Variants in PRMT3 observed in about 807,000 individuals in gnomAD.
PRMT3 encodes the protein protein arginine N-methyltransferase 3.
Under a neutral mutation model 71.9 loss-of-function variants are expected in PRMT3, and 62 were observed. The observed-to-expected ratio is 0.86, with a 90% CI of 0.70 to 1.07. The LOEUF (loss-of-function observed/expected upper bound fraction) is 1.07, where lower values mean the gene tolerates loss of function less well. Among genes scored for constraint, PRMT3 ranks in the 50% least tolerant of loss-of-function variants. The pLI is 0.00. For missense variants in PRMT3, 663 were observed against 643.0 expected, an observed-to-expected ratio of 1.03 and a Z score of -0.34; for synonymous variants, 213 against 220.4, an observed-to-expected ratio of 0.97 and a Z score of 0.30.
chr11:20,475,558 ACT>A (rs377337063), intron 13 of PRMT3, among the ~76,000 whole-genome samples: 105 of 106,262 alleles, frequency 9.9e-4, no homozygotes, highest in African/African-American at 3.0e-3. Context: ...GTGGCACATG[ACT>A]CTGTTTTTAC....
At chr11:20,395,640 A>G (rs551861546) in intron 5 of PRMT3, among the ~76,000 whole-genome samples, 163 bp from the exon 6 acceptor site, 1 of 152,190 alleles carries the variant, frequency 6.6e-6, no homozygotes, top group Non-Finnish European at 1.5e-5. Flanking sequence ...GGCAAGAGCC[A>G]CTGTGCAAAG....
At chr11:20,481,019 A>G (rs1056407883) in intron 13 of PRMT3, among the ~76,000 whole-genome samples, 24 of 152,176 alleles carry the variant, frequency 1.6e-4, no homozygotes, top group African/African-American at 5.8e-4. Flanking sequence ...GCCCAGATAC[A>G]TAAGAGTAGG....
At chr11:20,483,554 CAAAAAAA>C (rs10583759) in intron 13 of PRMT3, among the ~76,000 whole-genome samples, 1 of 135,790 alleles carries the variant, frequency 7.4e-6, no homozygotes, top group Non-Finnish European at 1.6e-5. Context: ...CAGAGATTGC[CAAAAAAA>C]AAAAAAAAAA....
chr11:20,486,906 G>C (rs1851087207), intron 13 of PRMT3, among the ~76,000 whole-genome samples: 1 of 151,690 alleles, frequency 6.6e-6, no homozygotes, highest in African/African-American at 2.4e-5. Flanking sequence ...AAATTACAAA[G>C]ATTAGCCGGG....
chr11:20,470,138 T>C (rs1021089959), intron 13 of PRMT3, among the ~76,000 whole-genome samples: 4 of 152,220 alleles, frequency 2.6e-5, no homozygotes, highest in Admixed American at 6.5e-5. Flanking sequence ...GTTACAAACC[T>C]GTACAGCATG....
chr11:20,507,343 C>A (rs572351596), intron 15 of PRMT3, among the ~76,000 whole-genome samples: 1 of 152,128 alleles, frequency 6.6e-6, no homozygotes, highest in Non-Finnish European at 1.5e-5. Flanking sequence ...TTTCTAGATG[C>A]CCAGAACCCA....
At chr11:20,407,857 A>G in intron 8 of PRMT3, 54 bp from the exon 9 acceptor site, 4 of 1,491,630 alleles carry the variant, frequency 2.7e-6, no homozygotes, top group Non-Finnish European at 3.7e-6. Context: ...AATTTAATAT[A>G]GAGACCTTTT....
chr11:20,453,466 C>T (rs182678735), intron 11 of PRMT3, among the ~76,000 whole-genome samples: 394 of 147,310 alleles, frequency 2.7e-3, no homozygotes, highest in African/African-American at 7.3e-3. Flanking sequence ...GGTGACAGAG[C>T]GAGACTCCAT....
intron 13 of PRMT3, among the ~76,000 whole-genome samples, chr11:20,476,237 C>A (rs538392779): frequency 2.0e-5 from 3 of 151,944 alleles, no homozygotes; most frequent in African/African-American, 7.2e-5. Flanking sequence ...CCTGTAATCC[C>A]AGCTACTCAG....
intron 10 of PRMT3, among the ~76,000 whole-genome samples, chr11:20,449,012 A>G (rs1041114671): frequency 5.3e-5 from 8 of 152,136 alleles, no homozygotes; most frequent in Non-Finnish European, 1.0e-4. Flanking sequence ...TATCAGTAAT[A>G]AATGACTTGG....
intron 9 of PRMT3, among the ~76,000 whole-genome samples, chr11:20,425,176 A>T (rs1849520055): frequency 6.6e-6 from 1 of 152,166 alleles, no homozygotes; most frequent in Non-Finnish European, 1.5e-5. Context: ...CGAACGAAAG[A>T]AGACATGGGA....
At chr11:20,389,188 A>G (rs1848660101) in intron 2 of PRMT3, among the ~76,000 whole-genome samples, 1 of 152,240 alleles carries the variant, frequency 6.6e-6, no homozygotes, top group South Asian at 2.1e-4. Flanking sequence ...AGTAGCCTTC[A>G]GATTTGCATG....
intron 10 of PRMT3, among the ~76,000 whole-genome samples, chr11:20,448,792 T>C (rs1195914051): frequency 1.3e-5 from 2 of 152,198 alleles, no homozygotes; most frequent in African/African-American, 2.4e-5. Context: ...TATGTTCCTT[T>C]ATAGTAATCA....
chr11:20,390,322 T>G (rs574315892), intron 3 of PRMT3, among the ~76,000 whole-genome samples: 26 of 152,354 alleles, frequency 1.7e-4, no homozygotes, highest in South Asian at 1.0e-3. Context: ...CAAGATTCAC[T>G]GTATTTAAGC....
Position 20,464,508 on chromosome 11 carries a change from G to C in PRMT3, c.1309G>C (p.Asp437His), listed in dbSNP as rs370034908. The change falls in exon 13 of 16, where the codon GAT becomes CAT. Residue 437 changes from aspartate (D) to histidine (H), a missense_variant. By Grantham distance (81) the Asp-to-His change is moderately conservative (BLOSUM62 -1). Transcript: ENST00000331079. The stretch of plus-strand genomic sequence containing the variant: ...TATCTCAGATTTGGAATTTTCATCA[G>C]ATTTTACCCTGAAAATCACAAGGAC... ...TSISDLEFSS[D>H]FTLKITRTSM... 1 of 1,611,332 alleles carries C rather than the reference G, an allele frequency of 6.2e-7. No individual in the cohort carries two copies. The highest frequency in any genetic ancestry group is 1.1e-5 in the South Asian group (1 of 90,850).
chr11:20,444,700 G>T (rs1389904335), intron 10 of PRMT3, among the ~76,000 whole-genome samples: 1 of 152,096 alleles, frequency 6.6e-6, no homozygotes, highest in East Asian at 1.9e-4. Flanking sequence ...GTTCCACATT[G>T]ATTTAGAATG....
At chr11:20,429,673 A>T (rs897782872) in intron 10 of PRMT3, among the ~76,000 whole-genome samples, 1 of 152,198 alleles carries the variant, frequency 6.6e-6, no homozygotes, top group African/African-American at 2.4e-5. Context: ...TTACTTAAGC[A>T]TTTGTATTAT....
At chr11:20,441,809 T>TTTTTA (rs1849912444) in intron 10 of PRMT3, among the ~76,000 whole-genome samples, 4 of 144,472 alleles carry the variant, frequency 2.8e-5, no homozygotes, top group South Asian at 2.1e-4. Context: ...TTTTTTTTTT[T>TTTTTA]GAGATGGAGT....
At chr11:20,465,883 G>A (rs1453412493) in intron 13 of PRMT3, among the ~76,000 whole-genome samples, 2 of 151,796 alleles carry the variant, frequency 1.3e-5, no homozygotes, top group African/African-American at 4.8e-5. Context: ...TTTCCTTTTT[G>A]TTTTGATATT....
Sources: gnomAD v4.1 joint callset for allele counts (sites outside exome capture counted in the v4.1 genomes callset) on GRCh38, gnomAD v4.1.1 for gene constraint, MANE v1.5 for transcripts, NCBI Gene and HGNC (gene_info 2026-07-23, HGNC 2026-07-21) for gene names.